HPCAL1: variants seen among roughly 807,000 people sequenced by gnomAD.
HPCAL1 encodes the protein hippocalcin-like protein 1.
Under a neutral mutation model 17.1 loss-of-function variants are expected in HPCAL1, and 8 were observed. The observed-to-expected ratio is 0.47, with a 90% confidence interval of 0.27 to 0.84. The LOEUF (loss-of-function observed/expected upper bound fraction) is 0.84. HPCAL1 is among the 40% of genes least tolerant of loss of function. The pLI is 0.13. For missense variants in HPCAL1, 165 were observed against 271.1 expected (o/e 0.61, Z 2.75); for synonymous variants, 112 against 111.4 (o/e 1.01, Z -0.03).
intron 1 of HPCAL1, among the ~76,000 whole-genome samples, chr2:10,376,047 T>C (rs966936374): frequency 4.6e-5 from 7 of 152,244 alleles, no homozygotes; most frequent in Non-Finnish European, 7.4e-5. Context: ...AGCAATTTGG[T>C]CGATTAAAAG....
At chr2:10,335,346 G>A (rs1351682383) in intron 1 of HPCAL1, among the ~76,000 whole-genome samples, 1 of 152,204 alleles carries the variant, frequency 6.6e-6, no homozygotes, top group African/African-American at 2.4e-5. Flanking sequence ...GTCCTGTGGA[G>A]AGGCAGGCCT....
chr2:10,349,203 A>G (rs545610288), intron 1 of HPCAL1, among the ~76,000 whole-genome samples: 1 of 152,244 alleles, frequency 6.6e-6, no homozygotes, highest in African/African-American at 2.4e-5. Context: ...AATTTTACAT[A>G]CTTGTTCTCT....
chr2:10,383,774 T>C (rs1269182620), intron 1 of HPCAL1, among the ~76,000 whole-genome samples: 2 of 152,010 alleles, frequency 1.3e-5, no homozygotes, highest in African/African-American at 4.8e-5. Context: ...ACTGTTGCCA[T>C]TTGGAGAAGC....
intron 1 of HPCAL1, among the ~76,000 whole-genome samples, chr2:10,325,465 G>A (rs1245178252): frequency 6.6e-6 from 1 of 152,186 alleles, no homozygotes; most frequent in Non-Finnish European, 1.5e-5. Flanking sequence ...CAGCGTTGGT[G>A]GGGGTCCCCA....
rs528967501 is a variant in HPCAL1, at chr2:10,362,752, C to T, written c.-110-34083C>T. The stretch of plus-strand genomic sequence containing the variant: ...CTCCTGGCACCTTCCCCAGCCCAGA[C>T]GCTGAGGAGGGCAGCCAGAAGCCCC... On this transcript the variant is annotated intron_variant, in intron 1 of 4. Transcript: ENST00000307845. This position sits in a 1 kb window ranked among gnomAD's most constrained non-coding sequence, Gnocchi z 5.0. 3.5e-3 allele frequency among the ~76,000 whole-genome samples: 537 copies of T among 152,322 alleles called. 5 individuals are homozygous for T. The highest frequency in any genetic ancestry group is 6.0e-3 in the Non-Finnish European group (411 of 68,024).
Position 10,359,114 on chromosome 2 carries a change from C to T in HPCAL1, c.-110-37721C>T, listed in dbSNP as rs915481455. Among the ~76,000 whole-genome samples, 5 of 152,112 alleles carry T rather than the reference C, an allele frequency of 3.3e-5. No individual in the cohort carries two copies. Among genetic ancestry groups the T allele is most frequent in the East Asian group, 1.9e-4 (1 of 5,188 alleles). On this transcript the variant is annotated intron_variant, in intron 1 of 4. Coordinates refer to ENST00000307845, the MANE Select transcript of HPCAL1 (RefSeq NM_002149.4). This position sits in a 1 kb window ranked among gnomAD's most constrained non-coding sequence, Gnocchi z 4.1. ...AGAGGTTTGAGCAGCGGGACACTGA[C>T]GAAGCGAGCCATACCCCCATCACAT...
intron 2 of HPCAL1, among the ~76,000 whole-genome samples, chr2:10,410,233 AATGCCGT>A (rs1460614605): frequency 6.6e-6 from 1 of 152,100 alleles, no homozygotes. Context: ...GATGCCAACC[AATGCCGT>A]CAGCCGGCAC....
At chr2:10,411,076 G>A (rs1263284081) in intron 2 of HPCAL1, among the ~76,000 whole-genome samples, 1 of 152,166 alleles carries the variant, frequency 6.6e-6, no homozygotes, top group Non-Finnish European at 1.5e-5. Context: ...GACTGGGAGT[G>A]TGTGTGTGGC....
chr2:10,315,043 G>A (rs1443944736), intron 1 of HPCAL1, among the ~76,000 whole-genome samples: 1 of 152,132 alleles, frequency 6.6e-6, no homozygotes, highest in Non-Finnish European at 1.5e-5. Context: ...TGTAATCCCA[G>A]CACTTTGGGA....
At chr2:10,357,249 G>A (rs1406236612) in intron 1 of HPCAL1, among the ~76,000 whole-genome samples, 2 of 152,234 alleles carry the variant, frequency 1.3e-5, no homozygotes, top group Admixed American at 1.3e-4. Flanking sequence ...TGAGAGGCTT[G>A]CAGTACCCAC....
chr2:10,378,862 T>A (rs1452478716), intron 1 of HPCAL1, among the ~76,000 whole-genome samples: 3 of 152,122 alleles, frequency 2.0e-5, no homozygotes, highest in African/African-American at 7.2e-5. Flanking sequence ...TAATGCATAA[T>A]CCTACAATTC....
At chr2:10,415,392 A>G (rs968749109) in intron 2 of HPCAL1, among the ~76,000 whole-genome samples, 3 of 152,058 alleles carry the variant, frequency 2.0e-5, no homozygotes, top group Admixed American at 1.3e-4. Context: ...CCCTTCCCAT[A>G]AAACCAGTTA....
chr2:10,357,884 G>A (rs1666267578), intron 1 of HPCAL1, among the ~76,000 whole-genome samples: 1 of 151,982 alleles, frequency 6.6e-6, no homozygotes, highest in Non-Finnish European at 1.5e-5. Context: ...AGCTGGGAAG[G>A]GAGAGGGAGG....
In HPCAL1 at chr2:10,419,615, C is replaced by T. The variant is rs1670904734; in HGVS notation, c.-24-119C>T. On this transcript the variant is annotated intron_variant, in intron 2 of 4. Coordinates refer to ENST00000307845, the MANE Select transcript of HPCAL1 (RefSeq NM_002149.4). This position sits in a 1 kb window ranked among gnomAD's most constrained non-coding sequence, Gnocchi z 5.0. Reference sequence around the variant, plus strand: ...GCGGCATGCCTTCCGATGGGGGACCCGGGAGTTGCTGAGTCGCAGCGCTTG... The same window carrying T: ...GCGGCATGCCTTCCGATGGGGGACCTGGGAGTTGCTGAGTCGCAGCGCTTG... 6.5e-6 allele frequency: 6 copies of T among 923,008 alleles called. No homozygotes were observed. Among genetic ancestry groups the T allele is most frequent in the South Asian group, 3.6e-5 (2 of 56,280 alleles). 57.2% of individuals were successfully genotyped at this position (923,008 alleles called of 1,614,324 possible).
In HPCAL1 at chr2:10,395,113, A is replaced by C. The variant is rs921477845; in HGVS notation, c.-110-1722A>C. Among the ~76,000 whole-genome samples the C allele has an allele frequency of 2.2e-4, 30 of 138,464 alleles. No individual in the cohort carries two copies. Among genetic ancestry groups the C allele is most frequent in the African/African-American group, 7.9e-4 (29 of 36,716 alleles). The allele number at this position is 138,464 out of a possible 152,430, so 90.8% of individuals were successfully genotyped here. ...TGTCCAGCCTAAAATCTATCTTTAA[A>C]ACACACACACACACACACACACACA... On this transcript the variant is annotated intron_variant, in intron 1 of 4. Coordinates refer to ENST00000307845, the MANE Select transcript of HPCAL1 (RefSeq NM_002149.4). This position sits in a 1 kb window ranked among gnomAD's most constrained non-coding sequence, Gnocchi z 4.4.
At chr2:10,383,335 G>A (rs1668090199) in intron 1 of HPCAL1, among the ~76,000 whole-genome samples, 1 of 151,932 alleles carries the variant, frequency 6.6e-6, no homozygotes, top group Admixed American at 6.5e-5. Context: ...TCGCGCCACT[G>A]TGCTCCAGCC....
chr2:10,346,085 T>C (rs762910024), intron 1 of HPCAL1, among the ~76,000 whole-genome samples: 5 of 152,112 alleles, frequency 3.3e-5, no homozygotes, highest in African/African-American at 7.2e-5. Flanking sequence ...TGTGTGTGTG[T>C]GTATGCATGC....
intron 1 of HPCAL1, among the ~76,000 whole-genome samples, chr2:10,390,919 T>G (rs539798036): frequency 1.8e-4 from 27 of 152,162 alleles, no homozygotes; most frequent in Non-Finnish European, 3.4e-4. Flanking sequence ...CAGTCTAAAC[T>G]CCTTAGAGAA....
At chr2:10,392,893 G>T (rs977047016) in intron 1 of HPCAL1, among the ~76,000 whole-genome samples, 1 of 152,222 alleles carries the variant, frequency 6.6e-6, no homozygotes, top group Non-Finnish European at 1.5e-5. Flanking sequence ...GCGTGTGTGT[G>T]AAGGGCTCAG....
Sources: allele counts gnomAD v4.1 joint callset (sites outside exome capture counted in the v4.1 genomes callset), GRCh38; gene constraint gnomAD v4.1.1; non-coding constraint Gnocchi (gnomAD v3.1); transcripts MANE v1.5; gene names NCBI Gene and HGNC (gene_info 2026-07-23, HGNC 2026-07-21).